PBX3: variants seen among roughly 807,000 people sequenced by gnomAD.
PBX3 encodes the protein PBX homeobox 3, also known as pre-B-cell leukemia transcription factor 3.
A neutral mutation model predicts 48.5 loss-of-function variants in PBX3; 14 were observed. That is an observed-to-expected ratio of 0.29 (90% CI 0.19 to 0.45). The LOEUF is 0.45. Ranked by LOEUF, PBX3 falls within the 20% of genes least tolerant of loss-of-function variation. The pLI, the probability that PBX3 is intolerant of heterozygous loss-of-function variation, is 1.00. For missense variants in PBX3, 386 were observed against 546.7 expected (o/e 0.71, Z 2.93); for synonymous variants, 210 against 200.3 (o/e 1.05, Z -0.41).
At chr9:125,765,451 A>G (rs1195143915) in intron 2 of PBX3, among the ~76,000 whole-genome samples, 3 of 152,084 alleles carry the variant, frequency 2.0e-5, no homozygotes, top group African/African-American at 7.2e-5. Context: ...CGCCCGACCA[A>G]GAAATTAGTT....
At chr9:125,958,955 G>A (rs1842367900) in intron 5 of PBX3, among the ~76,000 whole-genome samples, 1 of 152,132 alleles carries the variant, frequency 6.6e-6, no homozygotes, top group African/African-American at 2.4e-5. Flanking sequence ...GGAGTATAAT[G>A]TCACATACAC....
chr9:125,864,826 G>A (rs1027168696), intron 2 of PBX3, among the ~76,000 whole-genome samples: 5 of 152,192 alleles, frequency 3.3e-5, no homozygotes, highest in South Asian at 2.1e-4. Flanking sequence ...AACCAGCACC[G>A]GTCCGTGACT....
chr9:125,884,190 A>G (rs570286294), intron 2 of PBX3, among the ~76,000 whole-genome samples: 5 of 152,314 alleles, frequency 3.3e-5, no homozygotes, highest in African/African-American at 1.2e-4. Context: ...CGCAGTATTC[A>G]GCAGCTTTGG....
intron 4 of PBX3, among the ~76,000 whole-genome samples, chr9:125,930,403 A>G (rs184576590): frequency 6.6e-6 from 1 of 152,200 alleles, no homozygotes; most frequent in Admixed American, 6.5e-5. Flanking sequence ...GTTAGGTAAT[A>G]TATTGTATAT....
intron 2 of PBX3, among the ~76,000 whole-genome samples, chr9:125,761,362 A>G (rs1305036684): frequency 6.6e-6 from 1 of 152,138 alleles, no homozygotes; most frequent in Non-Finnish European, 1.5e-5. Flanking sequence ...ATTGTTCCAT[A>G]TCATTACATT....
intron 2 of PBX3, among the ~76,000 whole-genome samples, chr9:125,812,167 A>G (rs1029402549): frequency 2.6e-5 from 4 of 152,206 alleles, no homozygotes; most frequent in Admixed American, 2.6e-4. Flanking sequence ...CGTTGTCCAC[A>G]AACTACCCAG....
At chr9:125,925,649 C>A (rs1841559227) in intron 3 of PBX3, among the ~76,000 whole-genome samples, 1 of 152,058 alleles carries the variant, frequency 6.6e-6, no homozygotes, top group South Asian at 2.1e-4. Flanking sequence ...GACGGAGTTT[C>A]ACCATGTTGC....
At chr9:125,760,627 TAAC>T (rs1310958734) in intron 2 of PBX3, among the ~76,000 whole-genome samples, 1 of 152,198 alleles carries the variant, frequency 6.6e-6, no homozygotes, top group African/African-American at 2.4e-5. Context: ...ACTTGGATAG[TAAC>T]AATAATTTGG....
At position 125,929,912 on chromosome 9, in the gene PBX3, G is replaced by A. The variant is rs1402682142; in HGVS notation, c.707+67G>A. On this transcript the variant is annotated intron_variant, in intron 4 of 8. Coordinates refer to ENST00000373489, the MANE Select transcript of PBX3 (RefSeq NM_006195.6). ...TGTCACTCCTTGTGTATTATTTTCTGTAAAACTGACCAGTTGGTCTTAGAT... is the reference window on the plus strand; with the variant it reads ...TGTCACTCCTTGTGTATTATTTTCTATAAAACTGACCAGTTGGTCTTAGAT... 4.9e-6 allele frequency: 6 copies of A among 1,225,248 alleles called. No individual in the cohort carries two copies. The African/African-American group carries it at 9.0e-5, about 18-fold the overall frequency. 75.9% of individuals were successfully genotyped at this position (1,225,248 alleles called of 1,614,324 possible). A position where few individuals can be genotyped will look rare whatever the true frequency, so the allele number is the denominator to read the frequency against.
At chr9:125,805,334 G>A (rs1838095742) in intron 2 of PBX3, among the ~76,000 whole-genome samples, 1 of 152,178 alleles carries the variant, frequency 6.6e-6, no homozygotes, top group Non-Finnish European at 1.5e-5. Flanking sequence ...TTGGGCAGAT[G>A]AATAGGAGCC....
In PBX3 at chr9:125,967,357, C is replaced by G. The variant is rs1327650355; in HGVS notation, c.*1434C>G. 1.3e-5 allele frequency: 2 copies of G among 152,610 alleles called. No individual in the cohort carries two copies. Among genetic ancestry groups the G allele is most frequent in the African/African-American group, 4.8e-5 (2 of 41,452 alleles). The allele number at this position is 152,610 out of a possible 1,614,324, so 9.5% of individuals were successfully genotyped here. On this transcript the variant is annotated 3_prime_UTR_variant, in exon 9 of 9. Transcript: ENST00000373489. The stretch of plus-strand genomic sequence containing the variant: ...ATATGTAGTTTCAAACATGAATAAA[C>G]TTTTTGCTTTCATGATTAAATTTTG...
At chr9:125,748,781 A>C in intron 2 of PBX3, 158 bp downstream of exon 2, 5 of 536,908 alleles carry the variant, frequency 9.3e-6, no homozygotes, top group Non-Finnish European at 1.4e-5. Context: ...ACTGCAATAA[A>C]TCTGGAGTCA....
intron 2 of PBX3, among the ~76,000 whole-genome samples, chr9:125,771,293 A>G (rs910574564): frequency 6.6e-6 from 1 of 152,226 alleles, no homozygotes; most frequent in Admixed American, 6.5e-5. Flanking sequence ...ACTGTCAAAC[A>G]ATGCTGTAAA....
At position 125,914,955 on chromosome 9, in the gene PBX3, C is replaced by T. The variant is rs991272219; in HGVS notation, c.275-731C>T. 2.0e-5 allele frequency among the ~76,000 whole-genome samples: 3 copies of T among 152,296 alleles called. No homozygotes were observed. In the East Asian group the frequency reaches 5.8e-4, roughly 29 times the overall value. On this transcript the variant is annotated intron_variant, in intron 2 of 8. Transcript: ENST00000373489. Reference sequence around the variant, plus strand: ...CTGACTGGGCATCACTTAGGAAGTTCTTGATTTAAAAGCAAAATTAGATTG... The same window carrying T: ...CTGACTGGGCATCACTTAGGAAGTTTTTGATTTAAAAGCAAAATTAGATTG...
intron 2 of PBX3, among the ~76,000 whole-genome samples, chr9:125,791,279 T>TTGTCTGTC (rs1219128926): frequency 7.4e-6 from 1 of 134,582 alleles, no homozygotes; most frequent in Non-Finnish European, 1.6e-5. Context: ...ACATACATTT[T>TTGTCTGTC]TATCTGTCTG....
chr9:125,913,070 T>G (rs1841240009), intron 2 of PBX3, among the ~76,000 whole-genome samples: 2 of 152,270 alleles, frequency 1.3e-5, no homozygotes, highest in South Asian at 4.1e-4. Flanking sequence ...CCCATAATCA[T>G]TACTTTGCTT....
chr9:125,904,575 G>T (rs1841025898), intron 2 of PBX3, among the ~76,000 whole-genome samples: 1 of 151,842 alleles, frequency 6.6e-6, no homozygotes, highest in Admixed American at 6.6e-5. Flanking sequence ...TCTCCCTTTT[G>T]AATCAGTGAG....
At chr9:125,752,070 AT>A (rs1429577504) in intron 2 of PBX3, among the ~76,000 whole-genome samples, 1 of 152,252 alleles carries the variant, frequency 6.6e-6, no homozygotes, top group Non-Finnish European at 1.5e-5. Flanking sequence ...ATGAAAAAAA[AT>A]AAACACAACC....
intron 2 of PBX3, among the ~76,000 whole-genome samples, chr9:125,772,626 AG>A (rs894569418): frequency 1.3e-5 from 2 of 152,230 alleles, no homozygotes; most frequent in Non-Finnish European, 2.9e-5. Flanking sequence ...CTTTTCCTAA[AG>A]TAAGGCCACT....
Sources: gnomAD v4.1 joint callset for allele counts (sites outside exome capture counted in the v4.1 genomes callset) on GRCh38, gnomAD v4.1.1 for gene constraint, MANE v1.5 for transcripts, NCBI Gene and HGNC (gene_info 2026-07-23, HGNC 2026-07-21) for gene names.